PRKN: variants seen among roughly 807,000 people sequenced by gnomAD.
The protein encoded by PRKN is E3 ubiquitin-protein ligase parkin.
Under a neutral mutation model 59.5 loss-of-function variants are expected in PRKN, and 56 were observed. The ratio of observed to expected loss-of-function variants is 0.94; its 90% CI spans 0.76 to 1.18. PRKN has a LOEUF of 1.18. Ranked by LOEUF, PRKN falls within the 50% of genes most tolerant of loss-of-function variation. The probability of loss-of-function intolerance (pLI) is 0.00; values close to 1 mark genes in which losing one functional copy is unlikely to be tolerated. For missense variants in PRKN, 657 were observed against 596.4 expected, an observed-to-expected ratio of 1.10 and a Z score of -1.06; for synonymous variants, 250 against 222.1, an observed-to-expected ratio of 1.13 and a Z score of -1.12.
intron 6 of PRKN, among the ~76,000 whole-genome samples, chr6:161,815,030 A>AG (rs201894594): frequency 0.011 from 1,647 of 152,258 alleles, 24 homozygotes; most frequent in African/African-American, 0.037. Flanking sequence ...TATGACAATG[A>AG]GAAAAACTCT....
chr6:161,943,746 ACCTGAGGAAGCAG>A (rs1251318456), intron 6 of PRKN, among the ~76,000 whole-genome samples: 1 of 142,082 alleles, frequency 7.0e-6, no homozygotes, highest in East Asian at 2.2e-4. Flanking sequence ...TGAGGGATCA[ACCTGAGGAAGCAG>A]CCTGAGGGAT....
At chr6:162,580,782 T>A (rs1321097696) in intron 1 of PRKN, among the ~76,000 whole-genome samples, 4 of 152,186 alleles carry the variant, frequency 2.6e-5, no homozygotes, top group African/African-American at 9.6e-5. Context: ...GGGCACAGGT[T>A]CTCAGCAGGC....
At chr6:161,534,624 C>T (rs552765860) in intron 9 of PRKN, among the ~76,000 whole-genome samples, 8 of 152,314 alleles carry the variant, frequency 5.3e-5, no homozygotes, top group African/African-American at 7.2e-5. Flanking sequence ...TGTTGCCATG[C>T]GGCTATGCTG....
At chr6:161,596,950 G>A (rs746485756) in intron 7 of PRKN, among the ~76,000 whole-genome samples, 1 of 152,108 alleles carries the variant, frequency 6.6e-6, no homozygotes, top group South Asian at 2.1e-4. Context: ...CCTATTCTCC[G>A]TGTACAGTGA....
chr6:162,241,837 G>C (rs1453233579), intron 3 of PRKN, among the ~76,000 whole-genome samples: 1 of 151,874 alleles, frequency 6.6e-6, no homozygotes, highest in Non-Finnish European at 1.5e-5. Context: ...ACACAGATAT[G>C]CCAGGTTTTC....
intron 1 of PRKN, among the ~76,000 whole-genome samples, chr6:162,628,113 G>A (rs1456434893): frequency 6.6e-6 from 1 of 152,114 alleles, no homozygotes; most frequent in Non-Finnish European, 1.5e-5. Flanking sequence ...GAGAGTTTGT[G>A]GGGTTAGAAG....
chr6:162,558,390 C>T lies in PRKN; in HGVS notation c.8-114917G>A, dbSNP rs370623933. On this transcript the variant is annotated intron_variant, in intron 1 of 11. Coordinates refer to ENST00000366898, the MANE Select transcript of PRKN (RefSeq NM_004562.3). ...TCTTGCCCAGGCTGGAGTGCAATGGCGCCATCTCGGCTCACTGCAACCTCC... is the reference window on the plus strand; with the variant it reads ...TCTTGCCCAGGCTGGAGTGCAATGGTGCCATCTCGGCTCACTGCAACCTCC... Among the ~76,000 whole-genome samples the T allele has an allele frequency of 1.1e-4, 16 of 143,306 alleles. No individual in the cohort carries two copies. In the East Asian group the frequency reaches 3.1e-3, roughly 27 times the overall value. 94.0% of individuals were successfully genotyped at this position (143,306 alleles called of 152,430 possible).
At chr6:161,380,823 C>T (rs1291321855) in intron 10 of PRKN, among the ~76,000 whole-genome samples, 1 of 152,166 alleles carries the variant, frequency 6.6e-6, no homozygotes, top group Non-Finnish European at 1.5e-5. Flanking sequence ...ATGCTACTGA[C>T]ATCACAAAAT....
chr6:162,577,359 GGAGGCC>G (rs1780602588), intron 1 of PRKN, among the ~76,000 whole-genome samples: 1 of 151,506 alleles, frequency 6.6e-6, no homozygotes. Context: ...CAGCACTTTG[GGAGGCC>G]GAGGCACGTG....
intron 4 of PRKN, among the ~76,000 whole-genome samples, chr6:162,120,825 T>C (rs1218965619): frequency 6.6e-6 from 1 of 152,158 alleles, no homozygotes; most frequent in Non-Finnish European, 1.5e-5. Context: ...TGTCAAAGAT[T>C]TGAAAAAGGC....
chr6:161,817,698 G>A (rs1481633036), intron 6 of PRKN, among the ~76,000 whole-genome samples: 3 of 152,046 alleles, frequency 2.0e-5, no homozygotes, highest in African/African-American at 7.2e-5. Flanking sequence ...AAATTTTATC[G>A]ACATTTTGGT....
chr6:162,672,201 A>G (rs1379450399), intron 1 of PRKN, among the ~76,000 whole-genome samples: 1 of 152,206 alleles, frequency 6.6e-6, no homozygotes, highest in East Asian at 1.9e-4. Context: ...ATGTTGTCTT[A>G]TTGGTCAGAA....
chr6:162,535,174 T>C (rs1486948752), intron 1 of PRKN, among the ~76,000 whole-genome samples: 1 of 152,144 alleles, frequency 6.6e-6, no homozygotes, highest in Non-Finnish European at 1.5e-5. Flanking sequence ...GCTGTGTTCA[T>C]GTTCCCCAAG....
chr6:161,550,373 A>AT lies in PRKN; in HGVS notation c.934-1371dup, dbSNP rs1779957640. On this transcript the variant is annotated intron_variant, in intron 8 of 11. Transcript: ENST00000366898. This position sits in a 1 kb window ranked among gnomAD's most constrained non-coding sequence, Gnocchi z 4.0. ...TGAGGCATGACATAATTTGACTAAT[A>AT]TTTTAAAGACATCCACCTGGCTGCT... 6.6e-6 allele frequency among the ~76,000 whole-genome samples: 1 copy of AT among 152,186 alleles called. No homozygotes were observed. The highest frequency in any genetic ancestry group is 6.5e-5 in the Admixed American group (1 of 15,284).
chr6:161,856,060 A>G (rs1287503627), intron 6 of PRKN, among the ~76,000 whole-genome samples: 4 of 152,200 alleles, frequency 2.6e-5, no homozygotes, highest in Non-Finnish European at 4.4e-5. Flanking sequence ...ATAATTCTCC[A>G]GATTACGATC....
chr6:162,545,220 G>A (rs1048667253), intron 1 of PRKN, among the ~76,000 whole-genome samples: 3 of 151,920 alleles, frequency 2.0e-5, no homozygotes, highest in Non-Finnish European at 4.4e-5. Context: ...CCCAGGAGGC[G>A]GAGGTTGCAG....
In PRKN at chr6:162,726,655, A is replaced by G. The variant is rs560365637; in HGVS notation, c.7+1007T>C. ...TCAGTGCATAAAGATCATATACTTT[A>G]TAAATCCACCTCTCATCTTTCTTCT... On this transcript the variant is annotated intron_variant, in intron 1 of 11. Transcript: ENST00000366898. 2.6e-5 allele frequency among the ~76,000 whole-genome samples: 4 copies of G among 152,342 alleles called. No homozygotes were observed. The East Asian group carries it at 5.8e-4, about 22-fold the overall frequency.
intron 9 of PRKN, among the ~76,000 whole-genome samples, chr6:161,539,150 T>C (rs150226968): frequency 1.1e-4 from 16 of 152,354 alleles, no homozygotes; most frequent in African/African-American, 3.6e-4. Context: ...CAAAGTTGCA[T>C]TGGGATACGT....
At chr6:162,201,068 A>G in intron 4 of PRKN, 63 bp downstream of exon 4, 1 of 1,552,476 alleles carries the variant, frequency 6.4e-7, no homozygotes, top group Middle Eastern at 1.7e-4. Context: ...AAAAACTGAA[A>G]GGCAATGTGT....
Sources: gnomAD v4.1 joint callset for allele counts (sites outside exome capture counted in the v4.1 genomes callset) on GRCh38, gnomAD v4.1.1 for gene constraint, Gnocchi (gnomAD v3.1) non-coding constraint, MANE v1.5 for transcripts, NCBI Gene and HGNC (gene_info 2026-07-23, HGNC 2026-07-21) for gene names.